Variants in HERC2 observed in about 807,000 individuals in gnomAD.
HERC2 encodes the protein HECT and RLD domain containing E3 ubiquitin protein ligase 2.
In HERC2, 102 loss-of-function variants were observed where a neutral mutation model predicts 537.7. The observed-to-expected ratio is 0.19, with a 90% confidence interval of 0.16 to 0.22. The LOEUF (loss-of-function observed/expected upper bound fraction) is 0.22, where lower values mean the gene tolerates loss of function less well. HERC2 is among the 10% of genes least tolerant of loss of function. The probability of loss-of-function intolerance (pLI) is 1.00; values close to 1 mark genes in which losing one functional copy is unlikely to be tolerated. For missense variants in HERC2, 4,236 were observed against 6,198.2 expected (o/e 0.68, Z 10.63); for synonymous variants, 2,224 against 2,466.2 (o/e 0.90, Z 2.91).
Position 28,254,428 on chromosome 15 carries a change from G to A in HERC2, c.2962C>T (p.Leu988=). ...ASTFHRSRTP[L]DKDLINTGIC... is the part of the protein sequence containing the mutation. ...CCCGTATTAATAAGGTCTTTATCCA[G>A]TGGAGTCCTGCTTCTATGAAATGTT... The change falls in exon 20 of 93, where the codon CTG becomes TTG. Residue 988 remains leucine, a synonymous_variant. Coordinates refer to ENST00000261609, the MANE Select transcript of HERC2 (RefSeq NM_004667.6). 3 of 1,608,576 alleles carry A rather than the reference G, an allele frequency of 1.9e-6. No individual in the cohort carries two copies. The highest frequency in any genetic ancestry group is 1.7e-5 in the Admixed American group (1 of 58,914).
intron 83 of HERC2, among the ~76,000 whole-genome samples, chr15:28,127,766 A>AG (rs1388358897): frequency 1.3e-5 from 2 of 152,156 alleles, no homozygotes; most frequent in Non-Finnish European, 2.9e-5. Flanking sequence ...ACACACAAAA[A>AG]GGGGGCAGAG....
chr15:28,218,726 G>T, intron 37 of HERC2, 55 bp from the exon 38 acceptor site: 3 of 1,384,672 alleles, frequency 2.2e-6, no homozygotes, highest in Non-Finnish European at 3.0e-6. Context: ...CTGGAAGATA[G>T]TCCTGCATAT....
Position 28,164,351 on chromosome 15 carries a change from A to T in HERC2, c.10555-1066T>A, listed in dbSNP as rs1035117276. The stretch of plus-strand genomic sequence containing the variant: ...GGAAACCACACCACTCTGATTTAGG[A>T]ACAAGGTTCCTCTCCCTTTTGGGAA... On this transcript the variant is annotated intron_variant, in intron 68 of 92. Transcript: ENST00000261609. Among the ~76,000 whole-genome samples the T allele has an allele frequency of 1.4e-4, 21 of 152,172 alleles. 1 individual carries two copies. The highest frequency in any genetic ancestry group is 1.2e-3 in the Admixed American group (18 of 15,278).
chr15:28,316,059 TAA>T (rs11396433), intron 2 of HERC2: 31 of 273,620 alleles, frequency 1.1e-4, no homozygotes, highest in Middle Eastern at 1.2e-3. Context: ...TTCCGCTGTT[TAA>T]AAAAAAAAAA....
At chr15:28,266,118 AAG>A in intron 12 of HERC2, 144 bp from the exon 13 acceptor site, 1 of 867,484 alleles carries the variant, frequency 1.2e-6, no homozygotes, top group Non-Finnish European at 1.8e-6. Context: ...TGAAAGAAGG[AAG>A]AGAGAATTCC....
Position 28,198,714 on chromosome 15 carries a change from A to G in HERC2, c.7772T>C (p.Val2591Ala), listed in dbSNP as rs1473739994. ...RAYEEVCEGD[V>A]GKVIKLDRDG... ...TCTGTCCAGCTTGATGACTTTGCCA[A>G]CATCACCTTCGCACACTTCTTCATA... The change falls in exon 49 of 93, where the codon GTT becomes GCT. Residue 2591 changes from valine to alanine, a missense_variant. This residue lies in a region of HERC2 where 606 missense variants were observed against 884.5 expected (regional missense o/e 0.69). Coordinates refer to ENST00000261609, the MANE Select transcript of HERC2 (RefSeq NM_004667.6). The G allele has an allele frequency of 4.3e-6, 7 of 1,614,074 alleles. No individual in the cohort carries two copies. In the Admixed American group the frequency reaches 1.0e-4, roughly 23 times the overall value.
chr15:28,273,298 T>C (rs1475144247), intron 7 of HERC2: 5 of 449,640 alleles, frequency 1.1e-5, no homozygotes, highest in Non-Finnish European at 2.0e-5. Context: ...AAAACATAAG[T>C]AGAAGAATAT....
chr15:28,136,402 C>T (rs1596021012), intron 78 of HERC2, among the ~76,000 whole-genome samples: 2 of 152,310 alleles, frequency 1.3e-5, no homozygotes, highest in African/African-American at 4.8e-5. Context: ...AGCCCCACCC[C>T]CAAAGCCAGC....
Position 28,182,173 on chromosome 15 carries a change from A to G in HERC2, c.8937+228T>C, listed in dbSNP as rs552286135. Among the ~76,000 whole-genome samples the G allele has an allele frequency of 7.9e-5, 12 of 152,326 alleles. No homozygotes were observed. In the South Asian group the frequency reaches 2.3e-3, roughly 29 times the overall value. On this transcript the variant is annotated intron_variant, in intron 57 of 92. Transcript: ENST00000261609. Reference sequence around the variant, plus strand: ...ATAATTTTCATTTATGCACTTGTCAAATCTTTTCAAAAGTTCATTTTCTAG... The same window carrying G: ...ATAATTTTCATTTATGCACTTGTCAGATCTTTTCAAAAGTTCATTTTCTAG...
intron 3 of HERC2, among the ~76,000 whole-genome samples, chr15:28,293,634 A>G (rs554637748): frequency 0.018 from 2,806 of 152,262 alleles, 83 homozygotes; most frequent in African/African-American, 0.065. Context: ...TTTCACACCA[A>G]TTGCTTTTAT....
intron 7 of HERC2, among the ~76,000 whole-genome samples, chr15:28,273,646 C>A (rs2075797799): frequency 6.6e-6 from 1 of 152,174 alleles, no homozygotes; most frequent in Non-Finnish European, 1.5e-5. Context: ...GGACTCAGAG[C>A]CGGGGACGCA....
At chr15:28,243,453 T>C (rs1903335009) in intron 23 of HERC2, among the ~76,000 whole-genome samples, 1 of 151,680 alleles carries the variant, frequency 6.6e-6, no homozygotes, top group Non-Finnish European at 1.5e-5. Flanking sequence ...CAGGCCTGAG[T>C]GAGAGAAAAA....
At chr15:28,187,044 C>T (rs1896374658) in intron 55 of HERC2, among the ~76,000 whole-genome samples, 7 of 152,164 alleles carry the variant, frequency 4.6e-5, no homozygotes, top group Admixed American at 4.6e-4. Context: ...TGACTGCAAA[C>T]TCTTCCGTCT....
intron 22 of HERC2, 61 bp downstream of exon 22, chr15:28,246,681 C>A: frequency 7.2e-7 from 1 of 1,383,378 alleles, no homozygotes. Flanking sequence ...GCAAAGAAGA[C>A]ACTTTAGCTT....
chr15:28,139,554 C>T (rs952052238), intron 78 of HERC2, among the ~76,000 whole-genome samples: 12 of 152,170 alleles, frequency 7.9e-5, no homozygotes, highest in African/African-American at 2.9e-4. Flanking sequence ...CATCCAGAGT[C>T]CTGACCCAGA....
chr15:28,195,844 T>C (rs1897301451), intron 52 of HERC2, among the ~76,000 whole-genome samples: 1 of 152,216 alleles, frequency 6.6e-6, no homozygotes, highest in African/African-American at 2.4e-5. Context: ...TTAAGTTATA[T>C]ATATTTTGCC....
chr15:28,180,081 G>C (rs1042169952), intron 57 of HERC2, among the ~76,000 whole-genome samples: 4 of 152,120 alleles, frequency 2.6e-5, no homozygotes, highest in African/African-American at 9.7e-5. Context: ...TCACTGACTC[G>C]CCCAGAGCAA....
chr15:28,120,246 G>A (rs1888730992), intron 86 of HERC2, among the ~76,000 whole-genome samples: 1 of 152,232 alleles, frequency 6.6e-6, no homozygotes, highest in African/African-American at 2.4e-5. Flanking sequence ...TCAGTGAAGA[G>A]ACCAGCTCCA....
intron 69 of HERC2, 125 bp downstream of exon 69, chr15:28,162,969 G>A: frequency 1.3e-6 from 1 of 768,020 alleles, no homozygotes; most frequent in Non-Finnish European, 2.1e-6. Flanking sequence ...CTCCTAACCT[G>A]CAGTCTACTA....
Sources: allele counts gnomAD v4.1 joint callset (sites outside exome capture counted in the v4.1 genomes callset), GRCh38; gene constraint gnomAD v4.1.1; regional missense constraint gnomAD v4.1.1; transcripts MANE v1.5; gene names NCBI Gene and HGNC (gene_info 2026-07-23, HGNC 2026-07-21).